ATF2: variants seen among roughly 807,000 people sequenced by gnomAD.
ATF2 encodes activating transcription factor 2, also known as cyclic AMP-dependent transcription factor ATF-2.
ATF2 carries 24 observed loss-of-function variants against 60.6 expected under a neutral mutation model. The ratio of observed to expected loss-of-function variants is 0.40; its 90% CI spans 0.29 to 0.56. ATF2 has a LOEUF of 0.56. ATF2 is among the 20% of genes least tolerant of loss of function. ATF2 has a pLI of 0.54. For synonymous variants in ATF2, 206 were observed against 215.4 expected (o/e 0.96, Z 0.38); for missense variants, 433 against 607.7 (o/e 0.71, Z 3.02).
intron 4 of ATF2, chr2:175,127,001 G>A (rs931011527): frequency 2.6e-5 from 4 of 152,192 alleles, no homozygotes; most frequent in African/African-American, 9.7e-5. Context: ...GGAGGCCAAG[G>A]TAGGCAGATG....
chr2:175,152,056 C>T (rs1699346436), intron 1 of ATF2, among the ~76,000 whole-genome samples: 1 of 152,008 alleles, frequency 6.6e-6, no homozygotes, highest in Admixed American at 6.6e-5. Context: ...TTTATTTCAC[C>T]ATATGCTTAA....
At chr2:175,140,223 G>A (rs766887937) in intron 2 of ATF2, among the ~76,000 whole-genome samples, 1 of 152,120 alleles carries the variant, frequency 6.6e-6, no homozygotes, top group Admixed American at 6.5e-5. Flanking sequence ...AAGATTAAAA[G>A]TCCCAAATCA....
chr2:175,164,773 GC>G (rs1236083319), intron 1 of ATF2, among the ~76,000 whole-genome samples: 1 of 152,188 alleles, frequency 6.6e-6, no homozygotes, highest in East Asian at 1.9e-4. Context: ...CAAGTTCTTA[GC>G]CTTGAGGAAC....
At chr2:175,116,306 G>A (rs1696566880) in intron 7 of ATF2, among the ~76,000 whole-genome samples, 1 of 151,744 alleles carries the variant, frequency 6.6e-6, no homozygotes, top group South Asian at 2.1e-4. Context: ...TGAGATTCAG[G>A]TCTGATAAAA....
At chr2:175,155,934 T>C (rs1439002294) in intron 1 of ATF2, among the ~76,000 whole-genome samples, 1 of 152,064 alleles carries the variant, frequency 6.6e-6, no homozygotes, top group Non-Finnish European at 1.5e-5. Flanking sequence ...TGTACAAGGG[T>C]AGAGAATTTA....
intron 10 of ATF2, among the ~76,000 whole-genome samples, chr2:175,098,276 TTTG>T (rs1260612396): frequency 3.3e-5 from 5 of 152,210 alleles, no homozygotes; most frequent in Non-Finnish European, 7.3e-5. Context: ...TTAAGGTGGT[TTTG>T]TTATGATCTG....
rs1173231293 is a variant in ATF2 at position 175,114,436 on chromosome 2, T to C, written c.626+254A>G. 18 of 1,241,790 alleles carry C rather than the reference T, an allele frequency of 1.4e-5. No homozygotes were observed. In the Admixed American group the frequency reaches 6.3e-4, roughly 44 times the overall value. 76.9% of individuals were successfully genotyped at this position (1,241,790 alleles called of 1,614,324 possible). A position where few individuals can be genotyped will look rare whatever the true frequency, so the allele number is the denominator to read the frequency against. ...TCTGGTGATGCAGTAATTTTATATT[T>C]TGTGTGAAATAGCATGAAAATAAGA... is the stretch of plus-strand genomic sequence containing the variant. On this transcript the variant is annotated intron_variant, in intron 8 of 13. Transcript: ENST00000264110.
Position 175,162,094 on chromosome 2 carries a change from T to G in ATF2, c.-143+5956A>C, listed in dbSNP as rs148745665. The stretch of plus-strand genomic sequence containing the variant: ...AACTCTTAAACTAGCATTAAAATAC[T>G]CAGTGTACAAACCACATAAAACTGC... On this transcript the variant is annotated intron_variant, in intron 1 of 13. Coordinates refer to ENST00000264110, the MANE Select transcript of ATF2 (RefSeq NM_001880.4). Among the ~76,000 whole-genome samples, 772 of 152,304 alleles carry G rather than the reference T, an allele frequency of 5.1e-3. 5 individuals carry two copies. The highest frequency in any genetic ancestry group is 0.017 in the African/African-American group (708 of 41,568).
chr2:175,127,393 T>C (rs1697410033), intron 4 of ATF2, among the ~76,000 whole-genome samples: 1 of 152,124 alleles, frequency 6.6e-6, no homozygotes. Context: ...ATGTCAAATA[T>C]ATCTCCAAAA....
intron 1 of ATF2, among the ~76,000 whole-genome samples, chr2:175,154,627 AC>A (rs1699548200): frequency 6.6e-6 from 1 of 152,162 alleles, no homozygotes; most frequent in African/African-American, 2.4e-5. Context: ...CAAATGCTAT[AC>A]TTTTATACAA....
At chr2:175,080,871 T>C (rs775207084) in intron 12 of ATF2, 106 bp from the exon 13 acceptor site, 5 of 799,684 alleles carry the variant, frequency 6.3e-6, no homozygotes, top group African/African-American at 1.7e-5. Context: ...TGGCAGAACA[T>C]TAAAAACAAA....
Position 175,122,747 on chromosome 2 carries a change from A to C in ATF2, c.103-1207T>G, listed in dbSNP as rs560342394. On this transcript the variant is annotated intron_variant, in intron 4 of 13. Transcript: ENST00000264110. ...GTCCTTTTAAGTAGGCTGAGCTCCT[A>C]CCGTGGTCCCCCAAACTTAGCATAT... 2.7e-5 allele frequency among the ~76,000 whole-genome samples: 4 copies of C among 149,718 alleles called. No homozygotes were observed. In the South Asian group the frequency reaches 8.4e-4, roughly 31 times the overall value.
chr2:175,138,082 G>A (rs1015968692), intron 2 of ATF2, among the ~76,000 whole-genome samples: 5 of 152,142 alleles, frequency 3.3e-5, no homozygotes, highest in Non-Finnish European at 7.4e-5. Context: ...ATAGACAATT[G>A]TTAATATATC....
At position 175,074,646 on chromosome 2, in the gene ATF2, A is replaced by G. The variant is rs774384167; in HGVS notation, c.1481T>C (p.Met494Thr). 4.3e-6 allele frequency: 7 copies of G among 1,613,238 alleles called. No homozygotes were observed. In the South Asian group the frequency reaches 4.4e-5, roughly 10 times the overall value. Reference sequence around the variant, plus strand: ...GGGCTGTGACTGGGAGGAAGGAGCCATAACGATCTGTGAAAGAGCAGGCTC... The same window carrying G: ...GGGCTGTGACTGGGAGGAAGGAGCCGTAACGATCTGTGAAAGAGCAGGCTC... ...STEPALSQIV[M>T]APSSQSQPSG... Residue 494 changes from methionine (M) to threonine (T), a missense_variant, in exon 14 of 14, where the codon ATG becomes ACG. This residue lies in a region of ATF2 where 114 missense variants were observed against 104.0 expected (regional missense o/e 1.10). Transcript: ENST00000264110.
chr2:175,109,776 T>C (rs532880062), intron 10 of ATF2, among the ~76,000 whole-genome samples: 2 of 152,314 alleles, frequency 1.3e-5, no homozygotes, highest in African/African-American at 4.8e-5. Flanking sequence ...AAATAGGAAG[T>C]GCAAAAAATG....
chr2:175,097,701 C>G, intron 10 of ATF2, 108 bp from the exon 11 acceptor site: 3 of 1,127,378 alleles, frequency 2.7e-6, no homozygotes, highest in Non-Finnish European at 3.8e-6. Context: ...GTCCTTTTGC[C>G]TAGTACTACT....
intron 2 of ATF2, among the ~76,000 whole-genome samples, chr2:175,137,034 T>A (rs1252786520): frequency 6.6e-6 from 1 of 152,188 alleles, no homozygotes; most frequent in Non-Finnish European, 1.5e-5. Flanking sequence ...CTTCACCTTA[T>A]GGTCACTGAA....
intron 3 of ATF2, among the ~76,000 whole-genome samples, chr2:175,131,790 T>A (rs1451827821): frequency 6.6e-6 from 1 of 152,170 alleles, no homozygotes; most frequent in East Asian, 1.9e-4. Flanking sequence ...CAGGATCCTC[T>A]ACACTCTTAA....
chr2:175,167,729 G>A (rs1700463958), intron 1 of ATF2: 1 of 483,228 alleles, frequency 2.1e-6, no homozygotes, highest in South Asian at 1.5e-5. Context: ...ATAATTCGGA[G>A]GGAGGGGTCT....
Sources: allele counts gnomAD v4.1 joint callset (sites outside exome capture counted in the v4.1 genomes callset), GRCh38; gene constraint gnomAD v4.1.1; regional missense constraint gnomAD v4.1.1; transcripts MANE v1.5; gene names NCBI Gene and HGNC (gene_info 2026-07-23, HGNC 2026-07-21).